IL1RAP: variants seen among roughly 807,000 people sequenced by gnomAD.
The protein encoded by IL1RAP is interleukin-1 receptor accessory protein.
Under a neutral mutation model 60.7 loss-of-function variants are expected in IL1RAP, and 35 were observed. The observed-to-expected ratio is 0.58, with a 90% CI of 0.44 to 0.76. The LOEUF (loss-of-function observed/expected upper bound fraction) is 0.76. IL1RAP is among the 30% of genes least tolerant of loss of function. The pLI is 0.00. For missense variants in IL1RAP, 572 were observed against 693.9 expected (o/e 0.82, Z 1.97); for synonymous variants, 268 against 250.9 (o/e 1.07, Z -0.64).
At chr3:190,641,115 G>A (rs992926970) in intron 9 of IL1RAP, among the ~76,000 whole-genome samples, 5 of 152,176 alleles carry the variant, frequency 3.3e-5, no homozygotes, top group South Asian at 2.1e-4. Flanking sequence ...ACAGGCATGC[G>A]CCACCACACC....
intron 1 of IL1RAP, among the ~76,000 whole-genome samples, chr3:190,553,266 G>A (rs540551683): frequency 6.6e-6 from 1 of 152,200 alleles, no homozygotes; most frequent in South Asian, 2.1e-4. Context: ...CTTAAGACCA[G>A]CCTCACAAAT....
chr3:190,620,553 T>C, intron 6 of IL1RAP, 113 bp downstream of exon 6: 1 of 985,172 alleles, frequency 1.0e-6, no homozygotes, highest in Admixed American at 2.7e-5. Context: ...TGATTCATGT[T>C]TTTTGTTTAC....
chr3:190,555,797 A>G (rs189423201), intron 1 of IL1RAP: 27 of 152,332 alleles, frequency 1.8e-4, no homozygotes, highest in Admixed American at 1.6e-3. Flanking sequence ...TGAGTGAATT[A>G]AAAGTAGTGT....
intron 7 of IL1RAP, 120 bp from the exon 8 acceptor site, chr3:190,627,203 C>T (rs572681652): frequency 1.3e-6 from 1 of 769,416 alleles, no homozygotes; most frequent in African/African-American, 1.8e-5. Flanking sequence ...GAGAGTAGAA[C>T]CAATATAGCC....
At chr3:190,632,601 T>G in intron 9 of IL1RAP, among the ~76,000 whole-genome samples, 1 of 152,232 alleles carries the variant, frequency 6.6e-6, no homozygotes, top group East Asian at 1.9e-4. Context: ...TTTGATGGCA[T>G]TTATTGTATC....
At chr3:190,545,570 A>T (rs2108574114) in intron 1 of IL1RAP, among the ~76,000 whole-genome samples, 1 of 152,320 alleles carries the variant, frequency 6.6e-6, no homozygotes, top group Non-Finnish European at 1.5e-5. Flanking sequence ...ATAGACATTC[A>T]GATTCCAGTA....
chr3:190,609,821 A>G (rs939746893), intron 5 of IL1RAP, among the ~76,000 whole-genome samples: 1 of 152,134 alleles, frequency 6.6e-6, no homozygotes, highest in African/African-American at 2.4e-5. Context: ...ACAAGCCACC[A>G]ACAGCCTAAG....
rs1325795057 is a variant in IL1RAP at position 190,572,927 on chromosome 3, G to C, written c.64+8574G>C. ...CGCCCAGGCTGGAGTGCAGTGGCGG[G>C]ATCTCGGCTCACTGCAAGCTCCGCC... On this transcript the variant is annotated intron_variant, in intron 3 of 11. Coordinates refer to ENST00000447382, the MANE Select transcript of IL1RAP (RefSeq NM_002182.4). Among the ~76,000 whole-genome samples the C allele has an allele frequency of 7.9e-3, 375 of 47,212 alleles. 38 individuals carry two copies. The highest frequency in any genetic ancestry group is 0.03 in the African/African-American group (358 of 11,740). 31.0% of individuals were successfully genotyped at this position (47,212 alleles called of 152,430 possible). A position where few individuals can be genotyped will look rare whatever the true frequency, so the allele number is the denominator to read the frequency against.
chr3:190,521,602 A>G (rs1190645215), intron 1 of IL1RAP, among the ~76,000 whole-genome samples: 1 of 152,082 alleles, frequency 6.6e-6, no homozygotes, highest in Admixed American at 6.5e-5. Flanking sequence ...GTGACTGTAG[A>G]ACAATGTCTT....
Position 190,624,195 on chromosome 3 carries a change from C to T in IL1RAP, c.775+780C>T, listed in dbSNP as rs113808069. Among the ~76,000 whole-genome samples the T allele has an allele frequency of 2.0e-3, 311 of 152,298 alleles. 3 individuals are homozygous for T. The highest frequency in any genetic ancestry group is 7.1e-3 in the African/African-American group (294 of 41,558). ...ATGGCATCCCATGCGGGAACCATAGCCATACCCAGAAAGCATAGGAACATA... is the reference window on the plus strand; with the variant it reads ...ATGGCATCCCATGCGGGAACCATAGTCATACCCAGAAAGCATAGGAACATA... On this transcript the variant is annotated intron_variant, in intron 7 of 11. Coordinates refer to ENST00000447382, the MANE Select transcript of IL1RAP (RefSeq NM_002182.4).
At chr3:190,535,486 AT>A (rs1233627830) in intron 1 of IL1RAP, among the ~76,000 whole-genome samples, 10 of 151,992 alleles carry the variant, frequency 6.6e-5, no homozygotes, top group Admixed American at 6.5e-4. Flanking sequence ...AATTAGTGCT[AT>A]TTTTTTTCTC....
chr3:190,608,631 A>C (rs907859438), intron 4 of IL1RAP, among the ~76,000 whole-genome samples: 1 of 151,708 alleles, frequency 6.6e-6, no homozygotes, highest in African/African-American at 2.4e-5. Flanking sequence ...ATCAATAAAC[A>C]ATAGAAATTC....
At chr3:190,613,597 C>T (rs1038583263) in intron 5 of IL1RAP, among the ~76,000 whole-genome samples, 7 of 152,076 alleles carry the variant, frequency 4.6e-5, no homozygotes, top group African/African-American at 1.7e-4. Context: ...TTACCATGGC[C>T]AATATCCAAC....
intron 9 of IL1RAP, among the ~76,000 whole-genome samples, chr3:190,636,243 G>A (rs1733213590): frequency 6.6e-6 from 1 of 152,172 alleles, no homozygotes; most frequent in Non-Finnish European, 1.5e-5. Context: ...TGTTGTTCAT[G>A]TCTTCAATAT....
intron 3 of IL1RAP, among the ~76,000 whole-genome samples, chr3:190,586,609 G>C (rs1013649838): frequency 1.7e-4 from 26 of 152,178 alleles, no homozygotes; most frequent in African/African-American, 4.6e-4. Context: ...CCATTGTTCT[G>C]CTTAAGGTGA....
intron 9 of IL1RAP, among the ~76,000 whole-genome samples, chr3:190,635,036 C>T (rs1733113516): frequency 6.6e-6 from 1 of 152,068 alleles, no homozygotes; most frequent in Non-Finnish European, 1.5e-5. Flanking sequence ...TTTGGGAAAG[C>T]TTTTAATTAT....
chr3:190,642,319 C>G (rs2108850705), intron 9 of IL1RAP: 1 of 153,294 alleles, frequency 6.5e-6, no homozygotes, highest in South Asian at 2.0e-4. Context: ...GGACGACCAT[C>G]TGCAATAGAG....
At chr3:190,572,177 T>C (rs995907554) in intron 3 of IL1RAP, among the ~76,000 whole-genome samples, 3 of 152,222 alleles carry the variant, frequency 2.0e-5, no homozygotes, top group Admixed American at 1.3e-4. Context: ...CGTTTGGGAC[T>C]TCAGACTATC....
chr3:190,579,690 A>G (rs1014156981), intron 3 of IL1RAP, among the ~76,000 whole-genome samples: 1 of 152,114 alleles, frequency 6.6e-6, no homozygotes, highest in Non-Finnish European at 1.5e-5. Flanking sequence ...AGAACATTTC[A>G]TCACCCCAAA....
Sources: allele counts gnomAD v4.1 joint callset (sites outside exome capture counted in the v4.1 genomes callset), GRCh38; gene constraint gnomAD v4.1.1; transcripts MANE v1.5; gene names NCBI Gene and HGNC (gene_info 2026-07-23, HGNC 2026-07-21).